CHSY1: variants seen among roughly 807,000 people sequenced by gnomAD.
CHSY1 encodes chondroitin sulfate synthase 1.
Under a neutral mutation model 59.8 loss-of-function variants are expected in CHSY1, and 13 were observed. That is an observed-to-expected ratio of 0.22 (90% CI 0.14 to 0.35). The LOEUF is 0.35. Among genes scored for constraint, CHSY1 ranks in the 10% least tolerant of loss-of-function variants. The pLI is 1.00. For missense variants in CHSY1, 947 were observed against 1,030.6 expected (o/e 0.92, Z 1.11); for synonymous variants, 459 against 401.2 (o/e 1.14, Z -1.72).
At chr15:101,222,791 G>T (rs1364609852) in intron 2 of CHSY1, among the ~76,000 whole-genome samples, 1 of 152,138 alleles carries the variant, frequency 6.6e-6, no homozygotes, top group Non-Finnish European at 1.5e-5. Context: ...TCATGGTGGG[G>T]GGGGTACCTG....
At chr15:101,190,859 T>C (rs1204426665) in intron 2 of CHSY1, among the ~76,000 whole-genome samples, 1 of 152,102 alleles carries the variant, frequency 6.6e-6, no homozygotes, top group African/African-American at 2.4e-5. Flanking sequence ...ATCAGGGAGA[T>C]GCAAATTCAA....
chr15:101,249,014 A>G (rs1242445394), intron 1 of CHSY1, among the ~76,000 whole-genome samples: 2 of 142,368 alleles, frequency 1.4e-5, no homozygotes, highest in Admixed American at 7.4e-5. Context: ...CGTGTTAGCC[A>G]GGATGGTCTT....
intron 1 of CHSY1, among the ~76,000 whole-genome samples, chr15:101,238,696 C>T (rs1262272501): frequency 6.6e-6 from 1 of 152,158 alleles, no homozygotes; most frequent in Non-Finnish European, 1.5e-5. Flanking sequence ...TTAAAATGGA[C>T]CTGTATTCTT....
At chr15:101,230,830 G>T (rs2038886059) in intron 2 of CHSY1, among the ~76,000 whole-genome samples, 1 of 152,092 alleles carries the variant, frequency 6.6e-6, no homozygotes, top group Non-Finnish European at 1.5e-5. Context: ...ATGAACATAT[G>T]GTCTTTGTCT....
intron 2 of CHSY1, among the ~76,000 whole-genome samples, chr15:101,182,236 G>C (rs2038290256): frequency 6.6e-6 from 1 of 152,180 alleles, no homozygotes; most frequent in Admixed American, 6.5e-5. Context: ...TGTTATTCGA[G>C]GTTCACAGTA....
chr15:101,203,186 G>T (rs188715899), intron 2 of CHSY1, among the ~76,000 whole-genome samples: 2 of 152,156 alleles, frequency 1.3e-5, no homozygotes, highest in African/African-American at 4.8e-5. Context: ...CCTGAAATAG[G>T]GGGGGTGAGG....
At chr15:101,185,838 AT>A (rs111993479) in intron 2 of CHSY1, among the ~76,000 whole-genome samples, 41 of 151,252 alleles carry the variant, frequency 2.7e-4, no homozygotes, top group Middle Eastern at 3.4e-3. Flanking sequence ...ATGAAACTGA[AT>A]CATTTTGCTC....
In CHSY1 at chr15:101,198,249, G is replaced by A. The variant is rs117694897; in HGVS notation, c.817-19269C>T. Among the ~76,000 whole-genome samples, 1,220 of 152,206 alleles carry A rather than the reference G, an allele frequency of 8.0e-3. 9 individuals carry two copies. Among genetic ancestry groups the A allele is most frequent in the Non-Finnish European group, 0.012 (817 of 68,024 alleles). ...AAGCACAGCAGCCACGCTACTGACC[G>A]GTGAAGGACAATGCCACAGGAGACG... On this transcript the variant is annotated intron_variant, in intron 2 of 2. Coordinates refer to ENST00000254190, the MANE Select transcript of CHSY1 (RefSeq NM_014918.5).
intron 2 of CHSY1, among the ~76,000 whole-genome samples, chr15:101,188,715 G>A (rs2038404454): frequency 6.6e-6 from 1 of 152,266 alleles, no homozygotes; most frequent in East Asian, 1.9e-4. Context: ...GCTTAGCAAA[G>A]TAAAACAAAA....
At chr15:101,227,946 A>T (rs1439497708) in intron 2 of CHSY1, among the ~76,000 whole-genome samples, 2 of 132,678 alleles carry the variant, frequency 1.5e-5, no homozygotes, top group Non-Finnish European at 3.2e-5. Flanking sequence ...GGTAGATTTC[A>T]AGAGTTGTCA....
intron 2 of CHSY1, among the ~76,000 whole-genome samples, chr15:101,229,916 A>G (rs576012621): frequency 1.3e-5 from 2 of 151,870 alleles, no homozygotes; most frequent in South Asian, 2.1e-4. Context: ...CAAAAATAAT[A>G]ATGATGATAT....
intron 2 of CHSY1, among the ~76,000 whole-genome samples, chr15:101,200,207 C>T (rs1369947161): frequency 6.6e-6 from 1 of 152,230 alleles, no homozygotes; most frequent in Non-Finnish European, 1.5e-5. Context: ...AGCCAGTTTA[C>T]TTCCAGAATA....
intron 1 of CHSY1, among the ~76,000 whole-genome samples, chr15:101,250,375 T>C (rs2039094216): frequency 1.3e-5 from 2 of 152,210 alleles, no homozygotes; most frequent in Admixed American, 1.3e-4. Context: ...CATTCCAAAA[T>C]CATCTCCCTT....
At chr15:101,205,550 C>A (rs561022493) in intron 2 of CHSY1, among the ~76,000 whole-genome samples, 5 of 152,182 alleles carry the variant, frequency 3.3e-5, no homozygotes, top group Non-Finnish European at 4.4e-5. Context: ...ACTGTGATCA[C>A]AAAACTGAGC....
At chr15:101,231,911 G>T (rs2038896651) in intron 2 of CHSY1, among the ~76,000 whole-genome samples, 1 of 152,208 alleles carries the variant, frequency 6.6e-6, no homozygotes, top group East Asian at 1.9e-4. Context: ...CATGTGGCAA[G>T]GGGAGCCAGG....
intron 2 of CHSY1, among the ~76,000 whole-genome samples, chr15:101,225,005 G>A (rs574813766): frequency 5.3e-5 from 8 of 152,360 alleles, no homozygotes; most frequent in South Asian, 4.1e-4. Context: ...ACAGAAGGGC[G>A]TGGCCCAGGC....
At chr15:101,188,598 A>AAC (rs1237408740) in intron 2 of CHSY1, among the ~76,000 whole-genome samples, 3 of 151,926 alleles carry the variant, frequency 2.0e-5, no homozygotes, top group Non-Finnish European at 4.4e-5. Flanking sequence ...TAGTGGTTAA[A>AAC]AAAAAAAAGA....
intron 1 of CHSY1, among the ~76,000 whole-genome samples, chr15:101,246,425 A>C (rs984097377): frequency 3.9e-5 from 6 of 152,062 alleles, no homozygotes; most frequent in African/African-American, 1.5e-4. Flanking sequence ...CTCAGCAAGA[A>C]AAGGTAAGTG....
chr15:101,203,139 A>C (rs573771159), intron 2 of CHSY1, among the ~76,000 whole-genome samples: 1 of 152,252 alleles, frequency 6.6e-6, no homozygotes, highest in Non-Finnish European at 1.5e-5. Context: ...GCCAAGCTTT[A>C]AAGTAGAAAT....
Sources: gnomAD v4.1 joint callset for allele counts (sites outside exome capture counted in the v4.1 genomes callset) on GRCh38, gnomAD v4.1.1 for gene constraint, MANE v1.5 for transcripts, NCBI Gene and HGNC (gene_info 2026-07-23, HGNC 2026-07-21) for gene names.